SMYD3: variants seen among roughly 807,000 people sequenced by gnomAD.
SMYD3 encodes SET and MYND domain containing 3, also known as histone-lysine N-methyltransferase SMYD3.
SMYD3 carries 36 observed loss-of-function variants against 57.7 expected under a neutral mutation model. The ratio of observed to expected loss-of-function variants is 0.62; its 90% CI spans 0.48 to 0.82. SMYD3 has a LOEUF of 0.82. SMYD3 is among the 40% of genes least tolerant of loss of function. The pLI, the probability that SMYD3 is intolerant of heterozygous loss-of-function variation, is 0.00. For synonymous variants in SMYD3, 211 were observed against 195.0 expected (o/e 1.08, Z -0.68); for missense variants, 515 against 538.8 (o/e 0.96, Z 0.44).
chr1:246,092,547 C>T lies in SMYD3; in HGVS notation c.532-162610G>A, dbSNP rs12095379. On this transcript the variant is annotated intron_variant, in intron 5 of 11. Transcript: ENST00000490107. ...TCATCAATAAACGGTGCTGAGAAAACTGGATATCCATATATAGAAGAATGC... is the reference window on the plus strand; with the variant it reads ...TCATCAATAAACGGTGCTGAGAAAATTGGATATCCATATATAGAAGAATGC... Among the ~76,000 whole-genome samples the T allele has an allele frequency of 4.7e-3, 711 of 152,134 alleles. 2 individuals carry two copies. The highest frequency in any genetic ancestry group is 0.017 in the African/African-American group (686 of 41,504).
At chr1:245,836,922 C>A (rs751258906) in intron 10 of SMYD3, among the ~76,000 whole-genome samples, 1 of 152,170 alleles carries the variant, frequency 6.6e-6, no homozygotes, top group African/African-American at 2.4e-5. Context: ...ACAGATGAAA[C>A]AGCCTATTGT....
At chr1:246,178,250 C>A (rs2062467819) in intron 5 of SMYD3, among the ~76,000 whole-genome samples, 1 of 152,096 alleles carries the variant, frequency 6.6e-6, no homozygotes, top group Non-Finnish European at 1.5e-5. Flanking sequence ...CTTCTGGAAT[C>A]AAGCAGGTGG....
At chr1:246,225,321 CAAAAAAAAAAAA>C (rs60915002) in intron 5 of SMYD3, among the ~76,000 whole-genome samples, 236 of 76,262 alleles carry the variant, frequency 3.1e-3, no homozygotes, top group Non-Finnish European at 4.3e-3. Flanking sequence ...GCTGAAAAGT[CAAAAAAAAAAAA>C]AAAAAAAAAA....
At chr1:246,043,745 A>G (rs1211620370) in intron 5 of SMYD3, among the ~76,000 whole-genome samples, 1 of 152,252 alleles carries the variant, frequency 6.6e-6, no homozygotes, top group Non-Finnish European at 1.5e-5. Flanking sequence ...GTCAAGCACA[A>G]CAGAAAGTAA....
At position 245,980,267 on chromosome 1, in the gene SMYD3, T is replaced by A. The variant is rs116731299; in HGVS notation, c.532-50330A>T. On this transcript the variant is annotated intron_variant, in intron 5 of 11. Coordinates refer to ENST00000490107, the MANE Select transcript of SMYD3 (RefSeq NM_001167740.2). The stretch of plus-strand genomic sequence containing the variant: ...AGGACGGGGTCCAGGCCTTGGTCAC[T>A]TTTGCTCTCCTTGCACATGTGTGGC... Among the ~76,000 whole-genome samples the A allele has an allele frequency of 3.6e-3, 543 of 152,328 alleles. 3 individuals carry two copies. Among genetic ancestry groups the A allele is most frequent in the African/African-American group, 0.012 (492 of 41,588 alleles).
intron 1 of SMYD3, among the ~76,000 whole-genome samples, chr1:246,378,142 A>C (rs1279487164): frequency 6.6e-6 from 1 of 152,154 alleles, no homozygotes; most frequent in Non-Finnish European, 1.5e-5. Context: ...TGTTTTACAA[A>C]CTCATTTCTC....
chr1:246,346,386 C>A (rs1416500794), intron 2 of SMYD3, among the ~76,000 whole-genome samples: 1 of 152,172 alleles, frequency 6.6e-6, no homozygotes, highest in Admixed American at 6.5e-5. Context: ...CCTTTTACAT[C>A]ACGTCTAGCT....
At chr1:246,261,050 TGTTG>T (rs879411581) in intron 5 of SMYD3, among the ~76,000 whole-genome samples, 7,248 of 112,624 alleles carry the variant, frequency 0.064, 257 homozygotes, top group African/African-American at 0.11. Context: ...GTTTTGTTGT[TGTTG>T]TTGTTGTTGT....
chr1:245,772,945 G>A (rs1205855771), intron 10 of SMYD3, among the ~76,000 whole-genome samples: 1 of 152,054 alleles, frequency 6.6e-6, no homozygotes. Flanking sequence ...AGAGATTGGA[G>A]AGCATCTGGA....
chr1:245,921,438 C>A (rs2147803975), intron 7 of SMYD3, among the ~76,000 whole-genome samples: 1 of 152,160 alleles, frequency 6.6e-6, no homozygotes, highest in South Asian at 2.1e-4. Flanking sequence ...GAAAATAAGT[C>A]ATTCTACCAA....
At chr1:245,994,460 G>A (rs545493178) in intron 5 of SMYD3, among the ~76,000 whole-genome samples, 2 of 152,236 alleles carry the variant, frequency 1.3e-5, no homozygotes, top group South Asian at 2.1e-4. Flanking sequence ...GGCTAGAGAC[G>A]CTGTGAGAGT....
In SMYD3 at chr1:245,863,714, C is replaced by CG. The variant is rs1220679524; in HGVS notation, c.901+84dup. ...ACTGGCTCATGGAGAGGTCAAACCC[C>CG]GCCTCTGACCTCATTACGACAGGGC... On this transcript the variant is annotated intron_variant, in intron 9 of 11. Transcript: ENST00000490107. The CG allele has an allele frequency of 4.7e-6, 6 of 1,268,690 alleles. No individual in the cohort carries two copies. The African/African-American group carries it at 8.8e-5, about 19-fold the overall frequency. The allele number at this position is 1,268,690 out of a possible 1,614,324, so 78.6% of individuals were successfully genotyped here.
chr1:246,094,361 A>G (rs1446771303), intron 5 of SMYD3, among the ~76,000 whole-genome samples: 1 of 152,182 alleles, frequency 6.6e-6, no homozygotes, highest in Non-Finnish European at 1.5e-5. Context: ...CCAGCAGTAT[A>G]CTACCCTAGG....
At position 246,379,000 on chromosome 1, in the gene SMYD3, T is replaced by C. The variant is rs1251813506; in HGVS notation, c.165-23906A>G. Among the ~76,000 whole-genome samples, 4 of 142,950 alleles carry C rather than the reference T, an allele frequency of 2.8e-5. No homozygotes were observed. In the South Asian group the frequency reaches 6.4e-4, roughly 23 times the overall value. The allele number at this position is 142,950 out of a possible 152,430, so 93.8% of individuals were successfully genotyped here. On this transcript the variant is annotated intron_variant, in intron 1 of 11. Transcript: ENST00000490107. ...CAATGGCAATAAACTATAACATCTA[T>C]TTCCCCCCAGAGAAAATGAGAAAGA...
At chr1:246,052,149 T>A (rs1332227514) in intron 5 of SMYD3, among the ~76,000 whole-genome samples, 1 of 152,190 alleles carries the variant, frequency 6.6e-6, no homozygotes, top group Non-Finnish European at 1.5e-5. Context: ...AAGGGGGTTA[T>A]AAAACAGCCC....
At chr1:246,376,608 A>AC (rs1285758669) in intron 1 of SMYD3, among the ~76,000 whole-genome samples, 1 of 151,046 alleles carries the variant, frequency 6.6e-6, no homozygotes, top group African/African-American at 2.4e-5. Context: ...AAAAAAAAAA[A>AC]AACTAAACAT....
At chr1:245,756,960 T>C (rs1181719520) in intron 11 of SMYD3, among the ~76,000 whole-genome samples, 1 of 152,136 alleles carries the variant, frequency 6.6e-6, no homozygotes, top group Non-Finnish European at 1.5e-5. Flanking sequence ...TTAATTCTTT[T>C]TTTAAAAACA....
chr1:246,468,523 C>CCCAGCTACTTGACAGGCTGAGG (rs1445253687), intron 1 of SMYD3, among the ~76,000 whole-genome samples: 1 of 151,998 alleles, frequency 6.6e-6, no homozygotes, highest in African/African-American at 2.4e-5. Context: ...TGCCTGTAAT[C>CCCAGCTACTTGACAGGCTGAGG]CCAGCTACTT....
intron 10 of SMYD3, among the ~76,000 whole-genome samples, chr1:245,764,820 C>G (rs12022190): frequency 6.6e-6 from 1 of 151,886 alleles, no homozygotes; most frequent in Non-Finnish European, 1.5e-5. Context: ...GAATAGAATA[C>G]GGTGTTGTCG....
Sources: allele counts gnomAD v4.1 joint callset (sites outside exome capture counted in the v4.1 genomes callset), GRCh38; gene constraint gnomAD v4.1.1; transcripts MANE v1.5; gene names NCBI Gene and HGNC (gene_info 2026-07-23, HGNC 2026-07-21).